MYL7: variants seen among roughly 807,000 people sequenced by gnomAD.
The protein encoded by MYL7 is myosin light chain 7.
MYL7 carries 27 observed loss-of-function variants against 22.5 expected under a neutral mutation model. That is an observed-to-expected ratio of 1.20 (90% CI 0.89 to 1.66). The LOEUF is 1.66. Ranked by LOEUF, MYL7 falls within the 40% of genes most tolerant of loss-of-function variation. MYL7 has a pLI of 0.00. For synonymous variants in MYL7, 81 were observed against 84.4 expected (o/e 0.96, Z 0.22); for missense variants, 209 against 226.8 (o/e 0.92, Z 0.50).
In MYL7 at chr7:44,140,773, G is replaced by C; in HGVS notation, c.132C>G (p.Ile44Met). The C allele has an allele frequency of 1.2e-6, 2 of 1,613,064 alleles. No homozygotes were observed. The highest frequency in any genetic ancestry group is 8.5e-7 in the Non-Finnish European group (1 of 1,179,670). The change falls in exon 3 of 7, where the codon ATC becomes ATG. Residue 44 changes from isoleucine to methionine, a missense_variant. By Grantham distance (10) the Ile-to-Met change is conservative (BLOSUM62 1). Transcript: ENST00000223364. The stretch of plus-strand genomic sequence containing the variant: ...AGATGATGCCATCACGATTCTGGTC[G>C]ATACAGCTGAAGGCCTGTGGGATGG... The part of the protein sequence containing the change: ...IQEFKEAFSC[I>M]DQNRDGIICK...
At position 44,139,853 on chromosome 7, in the gene MYL7, G is replaced by T; in HGVS notation, c.306C>A (p.Asp102Glu). ...TLFGEKLNGT[D>E]PEEAILSAFR... is the part of the protein sequence containing the mutation. ...AGGCACTCAGGATGGCTTCCTCGGG[G>T]TCTGTCCCTGGAAGGCCGAGGCAGC... Residue 102 changes from aspartate (D) to glutamate (E), a missense_variant, in exon 5 of 7, where the codon GAC becomes GAA. By Grantham distance (45) the Asp-to-Glu change is conservative. Transcript: ENST00000223364. The T allele has an allele frequency of 1.2e-6, 2 of 1,607,798 alleles. No individual in the cohort carries two copies. Among genetic ancestry groups the T allele is most frequent in the East Asian group, 2.2e-5 (1 of 44,770 alleles).
chr7:44,139,422 C>T (rs766805476), intron 6 of MYL7, 99 bp downstream of exon 6: 18 of 1,360,484 alleles, frequency 1.3e-5, no homozygotes, highest in Non-Finnish European at 1.9e-5. Context: ...CTCGGCTCAC[C>T]CTTCCAGCAA....
chr7:44,139,900 A>G, intron 4 of MYL7, 40 bp from the exon 5 acceptor site: 1 of 1,564,724 alleles, frequency 6.4e-7, no homozygotes, highest in Non-Finnish European at 8.6e-7. Flanking sequence ...CCATGTCTCC[A>G]GCATCCCAGG....
rs901460080 is a variant in MYL7 at position 44,139,577 on chromosome 7, G to A, written c.378-8C>T. 15 of 1,603,948 alleles carry A rather than the reference G, an allele frequency of 9.4e-6. No individual in the cohort carries two copies. Among genetic ancestry groups the A allele is most frequent in the Admixed American group, 5.1e-5 (3 of 58,906 alleles). ...AGGAGAAGCTGCTTGAACCTGGGGG[G>A]TGAGGAGGGTCTGAGCAGGAGACTG... On this transcript the variant is annotated splice_region_variant and splice_polypyrimidine_tract_variant and intron_variant, in intron 5 of 6. Transcript: ENST00000223364.
Position 44,138,981 on chromosome 7 carries a change from C to T in MYL7, c.468G>A (p.Gly156=). ...AGCACAGTGACTTGTAGTCGATGTT[C>T]CCCGCCAGGTCCATGGGTGTCAGGG... is the stretch of plus-strand genomic sequence containing the variant. ...MFALTPMDLA[G]NIDYKSLCYI... The change falls in exon 7 of 7, where the codon GGG becomes GGA. Residue 156 remains glycine, a synonymous_variant. Coordinates refer to ENST00000223364, the MANE Select transcript of MYL7 (RefSeq NM_021223.3). 1 of 1,614,144 alleles carries T rather than the reference C, an allele frequency of 6.2e-7. No homozygotes were observed.
chr7:44,141,195 C>T (rs752705146), intron 1 of MYL7, 108 bp downstream of exon 1: 3 of 1,589,426 alleles, frequency 1.9e-6, no homozygotes, highest in Non-Finnish European at 2.6e-6. Flanking sequence ...CTCTTCCTCT[C>T]CCTGGGGACC....
intron 1 of MYL7, 81 bp downstream of exon 1, chr7:44,141,222 A>T: frequency 6.2e-7 from 1 of 1,607,134 alleles, no homozygotes; most frequent in East Asian, 2.2e-5. Context: ...AACCCAACAC[A>T]AGCACAGAAA....
In MYL7 at chr7:44,139,812, G is replaced by C. The variant is rs779112540; in HGVS notation, c.347C>G (p.Pro116Arg). ...CTTGTTCACCACCCCTTTGCCGCTG[G>C]GGTCAAACATGCGGAAGGCACTCAG... The part of the protein sequence containing the change: ...AILSAFRMFD[P>R]SGKGVVNKDE... Residue 116 changes from proline (P) to arginine (R), a missense_variant, in exon 5 of 7, where the codon CCC becomes CGC. Pro to Arg is a moderately radical substitution (Grantham distance 103). Coordinates refer to ENST00000223364, the MANE Select transcript of MYL7 (RefSeq NM_021223.3). 2 of 1,612,366 alleles carry C rather than the reference G, an allele frequency of 1.2e-6. No homozygotes were observed. Among genetic ancestry groups the C allele is most frequent in the South Asian group, 1.1e-5 (1 of 90,898 alleles).
At position 44,139,334 on chromosome 7, in the gene MYL7, C is replaced by T. The variant is rs115100961; in HGVS notation, c.426+187G>A. ...GTCTGTGCACAGTCTCCCTGCCTGG[C>T]GCACCCTGCCCTCTTTTCTGACTCC... On this transcript the variant is annotated intron_variant, in intron 6 of 6. Transcript: ENST00000223364. 5.4e-3 allele frequency: 4,106 copies of T among 754,242 alleles called. 116 individuals carry two copies. The African/African-American group carries it at 0.062, about 11-fold the overall frequency. 46.7% of individuals were successfully genotyped at this position (754,242 alleles called of 1,614,324 possible).
chr7:44,141,278 C>A (rs1400679170), intron 1 of MYL7, 25 bp downstream of exon 1: 2 of 1,614,102 alleles, frequency 1.2e-6, no homozygotes, highest in South Asian at 1.1e-5. Flanking sequence ...AGACCGCTAG[C>A]CTTTCTTCCC....
At chr7:44,141,229 G>C in intron 1 of MYL7, 74 bp downstream of exon 1, 1 of 1,612,018 alleles carries the variant, frequency 6.2e-7, no homozygotes, top group Non-Finnish European at 8.5e-7. Flanking sequence ...CACAAGCACA[G>C]AAAACTCTGC....
At chr7:44,141,168 G>A (rs923354749) in intron 1 of MYL7, 94 bp from the exon 2 acceptor site, 2 of 1,570,032 alleles carry the variant, frequency 1.3e-6, no homozygotes, top group Middle Eastern at 1.7e-4. Context: ...ATTCCCAGGA[G>A]AGCCAGGGCC....
rs555096633 is a variant in MYL7, at chr7:44,140,678, C to T, written c.193+34G>A. On this transcript the variant is annotated intron_variant, in intron 3 of 6. Transcript: ENST00000223364. ...CCGCCCAGCAGCTCAGAGTAGGGAC[C>T]CCAGTGCGCAGGGTGGGAGGTGGGT... 1.7e-5 allele frequency: 26 copies of T among 1,568,438 alleles called. No homozygotes were observed. In the South Asian group the frequency reaches 3.2e-4, roughly 19 times the overall value.
At position 44,139,798 on chromosome 7, in the gene MYL7, C is replaced by T; in HGVS notation, c.361G>A (p.Val121Met). 1 of 1,612,876 alleles carries T rather than the reference C, an allele frequency of 6.2e-7. No homozygotes were observed. The highest frequency in any genetic ancestry group is 8.5e-7 in the Non-Finnish European group (1 of 1,179,738). The change falls in exon 5 of 7, where the codon GTG becomes ATG. Residue 121 changes from valine (V) to methionine (M), a missense_variant. Coordinates refer to ENST00000223364, the MANE Select transcript of MYL7 (RefSeq NM_021223.3). ...CATACTTACTCATCCTTGTTCACCA[C>T]CCCTTTGCCGCTGGGGTCAAACATG... Reference protein sequence around the residue: ...FRMFDPSGKGVVNKDEFKQLL... With the variant: ...FRMFDPSGKGMVNKDEFKQLL...
chr7:44,141,052 C>T lies in MYL7; in HGVS notation c.26G>A (p.Arg9Gln), dbSNP rs376123400. The T allele has an allele frequency of 7.0e-5, 113 of 1,613,922 alleles. No homozygotes were observed. The highest frequency in any genetic ancestry group is 6.3e-4 in the African/African-American group (47 of 74,964). Residue 9 changes from arginine to glutamine, a missense_variant, in exon 2 of 7, where the codon CGG becomes CAG. Coordinates refer to ENST00000223364, the MANE Select transcript of MYL7 (RefSeq NM_021223.3). MASRKAGT[R>Q]GKVAATKQAQ... is the part of the protein sequence containing the mutation. ...CTGCTTGGTGGCTGCCACCTTGCCC[C>T]GGGTCCCCGCCTTCCTGCTGGCCTG...
intron 5 of MYL7, 106 bp from the exon 6 acceptor site, chr7:44,139,675 A>G (rs1322030335): frequency 1.9e-6 from 3 of 1,568,784 alleles, no homozygotes; most frequent in African/African-American, 2.7e-5. Flanking sequence ...CTGCACCCCA[A>G]AGAGCAGTGT....
At chr7:44,140,919 G>T in intron 2 of MYL7, 42 bp downstream of exon 2, 1 of 1,422,312 alleles carries the variant, frequency 7.0e-7, no homozygotes, top group Non-Finnish European at 9.8e-7. Context: ...TGGGGTGGGG[G>T]GGCCAGGATG....
intron 6 of MYL7, 24 bp from the exon 7 acceptor site, chr7:44,139,046 C>T: frequency 1.3e-6 from 2 of 1,592,818 alleles, no homozygotes; most frequent in South Asian, 1.1e-5. Context: ...TGGTGAGTGG[C>T]AGTCCCCTGG....
At chr7:44,139,937 T>G (rs1205098399) in intron 4 of MYL7, 77 bp from the exon 5 acceptor site, 2 of 1,314,006 alleles carry the variant, frequency 1.5e-6, no homozygotes, top group African/African-American at 3.0e-5. Flanking sequence ...CTGGGCTGCA[T>G]GAGGAGCCTC....
Sources: gnomAD v4.1 joint callset for allele counts on GRCh38, gnomAD v4.1.1 for gene constraint, MANE v1.5 for transcripts, NCBI Gene and HGNC (gene_info 2026-07-23, HGNC 2026-07-21) for gene names.